Variants in AEBP2 observed in about 807,000 individuals in gnomAD.
AEBP2 encodes the protein AE binding protein 2.
AEBP2 carries 10 observed loss-of-function variants against 50.8 expected under a neutral mutation model. The ratio of observed to expected loss-of-function variants is 0.20; its 90% confidence interval spans 0.12 to 0.33. The LOEUF is 0.33. Ranked by LOEUF, AEBP2 falls within the 10% of genes least tolerant of loss-of-function variation. AEBP2 has a pLI of 1.00. For synonymous variants in AEBP2, 296 were observed against 261.3 expected, an observed-to-expected ratio of 1.13 and a Z score of -1.28; for missense variants, 570 against 688.0, an observed-to-expected ratio of 0.83 and a Z score of 1.92.
At chr12:19,431,520 T>G (rs1443525941) in intron 1 of AEBP2, among the ~76,000 whole-genome samples, 1 of 152,202 alleles carries the variant, frequency 6.6e-6, no homozygotes, top group Non-Finnish European at 1.5e-5. Context: ...TATCTGAAGT[T>G]TATAGAAAAG....
At chr12:19,447,579 C>T (rs180995028) in intron 1 of AEBP2, among the ~76,000 whole-genome samples, 22 of 152,324 alleles carry the variant, frequency 1.4e-4, no homozygotes, top group South Asian at 2.1e-4. Context: ...AGAGCATGGA[C>T]GTAATCTAAC....
At chr12:19,440,724 C>G (rs1248492339) in intron 1 of AEBP2, 2 of 1,533,538 alleles carry the variant, frequency 1.3e-6, no homozygotes, top group African/African-American at 1.4e-5. Flanking sequence ...CGTCGGTACT[C>G]AAGGTTAGCT....
intron 5 of AEBP2, among the ~76,000 whole-genome samples, 197 bp from the exon 6 acceptor site, chr12:19,512,201 T>C (rs1949243134): frequency 6.6e-6 from 1 of 152,150 alleles, no homozygotes; most frequent in African/African-American, 2.4e-5. Context: ...TTTGTGTTTT[T>C]AGTAGAGACG....
Position 19,440,392 on chromosome 12 carries a change from C to T in AEBP2, c.671+22C>T, listed in dbSNP as rs367737820. 21 of 1,465,814 alleles carry T rather than the reference C, an allele frequency of 1.4e-5. 1 individual carries two copies. In the East Asian group the frequency reaches 1.9e-4, roughly 13 times the overall value. The allele number at this position is 1,465,814 out of a possible 1,614,324, so 90.8% of individuals were successfully genotyped here. A position where few individuals can be genotyped will look rare whatever the true frequency, so the allele number is the denominator to read the frequency against. On this transcript the variant is annotated intron_variant, in intron 1 of 7. Transcript: ENST00000266508. ...ACAGGTCAGTGCTCTGAAGCGTTTC[C>T]CCTTCCCTTCCTCCTCTTGAACTCC... is the stretch of plus-strand genomic sequence containing the variant.
intron 4 of AEBP2, among the ~76,000 whole-genome samples, chr12:19,499,728 T>C (rs1949038711): frequency 6.6e-6 from 1 of 152,030 alleles, no homozygotes; most frequent in Non-Finnish European, 1.5e-5. Context: ...TGTTTGGCAA[T>C]GGTGAGTTTG....
chr12:19,482,421 T>C (rs1948743944), intron 3 of AEBP2, among the ~76,000 whole-genome samples: 1 of 152,188 alleles, frequency 6.6e-6, no homozygotes, highest in Non-Finnish European at 1.5e-5. Flanking sequence ...GTGGACACAC[T>C]CAGGACCTCT....
chr12:19,417,304 A>G (rs1403900877), intron 1 of AEBP2, among the ~76,000 whole-genome samples: 5 of 152,228 alleles, frequency 3.3e-5, no homozygotes, highest in Non-Finnish European at 7.3e-5. Context: ...TTGAAACATC[A>G]GACATAAAGT....
chr12:19,475,164 C>T (rs1178894279), intron 3 of AEBP2, among the ~76,000 whole-genome samples: 3 of 64,120 alleles, frequency 4.7e-5, no homozygotes, highest in African/African-American at 6.7e-5. Flanking sequence ...TTTTGGTGCA[C>T]CTGTCACCTG....
intron 5 of AEBP2, among the ~76,000 whole-genome samples, chr12:19,511,763 A>G (rs894152158): frequency 6.6e-6 from 1 of 151,970 alleles, no homozygotes; most frequent in Non-Finnish European, 1.5e-5. Context: ...CTGTAACACA[A>G]ACATCCTTGG....
chr12:19,465,262 C>T (rs191399084), intron 2 of AEBP2, among the ~76,000 whole-genome samples: 18 of 151,972 alleles, frequency 1.2e-4, no homozygotes, highest in African/African-American at 1.7e-4. Context: ...GGTATAGTTG[C>T]GTCCCCCTGT....
intron 3 of AEBP2, 46 bp downstream of exon 3, chr12:19,473,401 A>G (rs1195582400): frequency 4.5e-6 from 3 of 670,546 alleles, no homozygotes; most frequent in East Asian, 5.5e-5. Context: ...TTATTTATTT[A>G]TTTATTTATT....
intron 4 of AEBP2, among the ~76,000 whole-genome samples, chr12:19,497,853 G>A (rs945539780): frequency 3.3e-5 from 5 of 152,142 alleles, no homozygotes; most frequent in African/African-American, 9.7e-5. Flanking sequence ...TTTATACATT[G>A]TATACGGGTA....
chr12:19,432,552 G>A (rs745881872), intron 1 of AEBP2, among the ~76,000 whole-genome samples: 5 of 151,880 alleles, frequency 3.3e-5, no homozygotes, highest in East Asian at 3.9e-4. Flanking sequence ...AAATTAGCCC[G>A]GCATGATGGC....
intron 1 of AEBP2, among the ~76,000 whole-genome samples, chr12:19,460,237 A>G (rs1306259704): frequency 6.6e-6 from 1 of 152,160 alleles, no homozygotes; most frequent in African/African-American, 2.4e-5. Context: ...CACAATAGGT[A>G]CATTTGATGT....
intron 1 of AEBP2, chr12:19,440,712 C>G (rs1411856539): frequency 4.6e-6 from 7 of 1,533,394 alleles, no homozygotes; most frequent in Non-Finnish European, 6.1e-6. Context: ...TTGATGTACA[C>G]ACGTCGGTAC....
Position 19,500,077 on chromosome 12 carries a change from CT to C in AEBP2, c.1175-15del. ...GTTATGTTTTTCTAAATATTCTTTA[CT>C]TTTTATGTTGACTTTTAGCACGGCC... On this transcript the variant is annotated intron_variant, in intron 4 of 7. Transcript: ENST00000266508. 6.3e-7 allele frequency: 1 copy of C among 1,589,190 alleles called. No individual in the cohort carries two copies. Among genetic ancestry groups the C allele is most frequent in the Non-Finnish European group, 8.6e-7 (1 of 1,168,036 alleles).
At chr12:19,435,605 T>A (rs1399810794), upstream of AEBP2, among the ~76,000 whole-genome samples, 3 of 152,164 alleles carry the variant, frequency 2.0e-5, no homozygotes, top group Non-Finnish European at 4.4e-5. Flanking sequence ...TTTCTTGCCA[T>A]GATTTCTTAT....
At chr12:19,421,344 C>CAAAAAAAAAAAAAAAAAAAAA (rs375160231) in intron 1 of AEBP2, among the ~76,000 whole-genome samples, 13 of 82,396 alleles carry the variant, frequency 1.6e-4, no homozygotes, top group Non-Finnish European at 2.2e-4. Flanking sequence ...GACTCTGTCT[C>CAAAAAAAAAAAAAAAAAAAAA]AAAAAAAAAA....
At chr12:19,472,141 T>C (rs1254415464) in intron 2 of AEBP2, among the ~76,000 whole-genome samples, 1 of 152,210 alleles carries the variant, frequency 6.6e-6, no homozygotes, top group African/African-American at 2.4e-5. Context: ...ATTATTTGTT[T>C]ATAGACTGTC....
Sources: gnomAD v4.1 joint callset for allele counts (sites outside exome capture counted in the v4.1 genomes callset) on GRCh38, gnomAD v4.1.1 for gene constraint, MANE v1.5 for transcripts, NCBI Gene and HGNC (gene_info 2026-07-23, HGNC 2026-07-21) for gene names.